Variants in LASP1 observed in about 807,000 individuals in gnomAD.
The protein encoded by LASP1 is LIM and SH3 domain protein 1.
LASP1 carries 10 observed loss-of-function variants against 38.6 expected under a neutral mutation model. The observed-to-expected ratio is 0.26, with a 90% confidence interval of 0.16 to 0.44. The LOEUF (loss-of-function observed/expected upper bound fraction) is 0.44, where lower values mean the gene tolerates loss of function less well. Among genes scored for constraint, LASP1 ranks in the 20% least tolerant of loss-of-function variants. The pLI is 1.00. For missense variants in LASP1, 243 were observed against 375.7 expected (o/e 0.65, Z 2.92); for synonymous variants, 132 against 140.8 (o/e 0.94, Z 0.44).
chr17:38,909,663 T>C (rs1914874913), intron 4 of LASP1, among the ~76,000 whole-genome samples: 1 of 151,430 alleles, frequency 6.6e-6, no homozygotes, highest in Non-Finnish European at 1.5e-5. Context: ...GTCATCAAGG[T>C]GTGGGACAGG....
At chr17:38,906,510 C>A (rs918160910) in intron 4 of LASP1, among the ~76,000 whole-genome samples, 2 of 151,672 alleles carry the variant, frequency 1.3e-5, no homozygotes, top group Non-Finnish European at 2.9e-5. Context: ...TCCTGGGCGA[C>A]AGAGCAAGAC....
At chr17:38,892,551 G>C (rs1271567165) in intron 3 of LASP1, among the ~76,000 whole-genome samples, 2 of 143,746 alleles carry the variant, frequency 1.4e-5, no homozygotes, top group Non-Finnish European at 3.1e-5. Flanking sequence ...GGTCTTTGGA[G>C]ACACACACAC....
intron 2 of LASP1, among the ~76,000 whole-genome samples, chr17:38,882,410 G>C (rs1913981366): frequency 6.6e-6 from 1 of 152,118 alleles, no homozygotes; most frequent in Admixed American, 6.6e-5. Context: ...ACCATGCCCG[G>C]CTAATTTTTG....
intron 3 of LASP1, among the ~76,000 whole-genome samples, chr17:38,893,757 G>A (rs1914407547): frequency 6.6e-6 from 1 of 152,220 alleles, no homozygotes; most frequent in Non-Finnish European, 1.5e-5. Context: ...TTTGAGGCTT[G>A]GAAGGGCTGA....
chr17:38,870,468 G>A (rs956427721), intron 1 of LASP1, among the ~76,000 whole-genome samples: 2 of 152,262 alleles, frequency 1.3e-5, no homozygotes, highest in African/African-American at 4.8e-5. Context: ...CGCGTAGCGG[G>A]CAGCCGCTGC....
intron 2 of LASP1, among the ~76,000 whole-genome samples, chr17:38,889,172 A>G (rs943327699): frequency 7.9e-5 from 12 of 151,988 alleles, no homozygotes; most frequent in South Asian, 4.2e-4. Flanking sequence ...GCTCTGTCAC[A>G]TAGGCTGGAG....
At chr17:38,878,673 G>A (rs1318992985) in intron 2 of LASP1, among the ~76,000 whole-genome samples, 1 of 152,026 alleles carries the variant, frequency 6.6e-6, no homozygotes, top group Non-Finnish European at 1.5e-5. Context: ...AGGCTTTGGG[G>A]GCTCCTTCCT....
chr17:38,873,428 G>C (rs1284311230), intron 1 of LASP1, among the ~76,000 whole-genome samples: 1 of 152,234 alleles, frequency 6.6e-6, no homozygotes, highest in Non-Finnish European at 1.5e-5. Flanking sequence ...CATAAATGGA[G>C]GCTCAGGTAG....
chr17:38,897,024 C>T, intron 3 of LASP1: 1 of 985,510 alleles, frequency 1.0e-6, no homozygotes, highest in Non-Finnish European at 1.2e-6. Flanking sequence ...CACTAAGAGT[C>T]ACCGTGCTGG....
At chr17:38,870,392 G>A in intron 1 of LASP1, 134 bp downstream of exon 1, 2 of 991,188 alleles carry the variant, frequency 2.0e-6, no homozygotes, top group South Asian at 1.5e-5. Context: ...AGCGGGCGGT[G>A]TCATGGGGTG....
chr17:38,907,169 G>GGAA (rs1426666051), intron 4 of LASP1, among the ~76,000 whole-genome samples: 4 of 152,174 alleles, frequency 2.6e-5, no homozygotes, highest in Non-Finnish European at 5.9e-5. Flanking sequence ...GGGAAGGAGA[G>GGAA]GAAGCTGAGG....
chr17:38,886,117 TCTCTCA>T (rs1317366198), intron 2 of LASP1, among the ~76,000 whole-genome samples: 1 of 151,308 alleles, frequency 6.6e-6, no homozygotes, highest in Non-Finnish European at 1.5e-5. Context: ...TCTCACTCGC[TCTCTCA>T]CTCTCACTCT....
intron 6 of LASP1, chr17:38,916,550 G>C (rs944521275): frequency 3.5e-5 from 5 of 141,944 alleles, no homozygotes; most frequent in African/African-American, 5.3e-5. Flanking sequence ...CTGGGTGACA[G>C]AGCAATATCT....
At chr17:38,893,020 C>T (rs1350404331) in intron 3 of LASP1, among the ~76,000 whole-genome samples, 4 of 152,120 alleles carry the variant, frequency 2.6e-5, no homozygotes, top group Admixed American at 2.0e-4. Context: ...TGTGTGCAAG[C>T]ATGCACGCAT....
rs887466136 is a variant in LASP1, at chr17:38,877,427, T to C, written c.70-659T>C. ...GTGCTCTCCTGCCCTCCTCCTGGGG[T>C]GGGAGAGGATGAGGGAAGGGTAGAA... is the stretch of plus-strand genomic sequence containing the variant. On this transcript the variant is annotated intron_variant, in intron 1 of 6. Coordinates refer to ENST00000318008, the MANE Select transcript of LASP1 (RefSeq NM_006148.4). Among the ~76,000 whole-genome samples the C allele has an allele frequency of 5.3e-5, 8 of 151,572 alleles. No individual in the cohort carries two copies. The East Asian group carries it at 5.8e-4, about 11-fold the overall frequency.
Position 38,918,572 on chromosome 17 carries a change from C to G in LASP1, c.613-33C>G, listed in dbSNP as rs1598125123. The G allele has an allele frequency of 6.5e-7, 1 of 1,540,968 alleles. No homozygotes were observed. The highest frequency in any genetic ancestry group is 2.3e-5 in the East Asian group (1 of 43,564). On this transcript the variant is annotated intron_variant, in intron 6 of 6. Coordinates refer to ENST00000318008, the MANE Select transcript of LASP1 (RefSeq NM_006148.4). This position sits in a 1 kb window ranked among gnomAD's most constrained non-coding sequence, Gnocchi z 4.4. ...GCTCAGACCCAGGTGAGCCGGCATG[C>G]AGGGCCCTAGGCTGACCACACTTCC...
At chr17:38,878,253 C>A in intron 2 of LASP1, 73 bp downstream of exon 2, 1 of 965,888 alleles carries the variant, frequency 1.0e-6, no homozygotes, top group South Asian at 1.4e-5. Flanking sequence ...TCCTTTCCTT[C>A]CAATAACCGC....
At chr17:38,879,714 A>G (rs1913886733) in intron 2 of LASP1, among the ~76,000 whole-genome samples, 2 of 150,482 alleles carry the variant, frequency 1.3e-5, no homozygotes, top group African/African-American at 4.9e-5. Flanking sequence ...TTGCTTCCTT[A>G]CCCCCTCCCG....
intron 2 of LASP1, among the ~76,000 whole-genome samples, chr17:38,881,006 G>A (rs1913933189): frequency 6.6e-6 from 1 of 152,188 alleles, no homozygotes; most frequent in Non-Finnish European, 1.5e-5. Context: ...AGGAGGCTGA[G>A]GCAGGAGAAT....
Sources: allele counts gnomAD v4.1 joint callset (sites outside exome capture counted in the v4.1 genomes callset), GRCh38; gene constraint gnomAD v4.1.1; non-coding constraint Gnocchi (gnomAD v3.1); transcripts MANE v1.5; gene names NCBI Gene and HGNC (gene_info 2026-07-23, HGNC 2026-07-21).